The following PIEZO2 variants were observed in gnomAD, a reference collection of about 807,000 sequenced individuals.
PIEZO2 encodes the protein piezo-type mechanosensitive ion channel component 2.
In PIEZO2, 172 loss-of-function variants were observed where a neutral mutation model predicts 337.3. The observed-to-expected ratio is 0.51, with a 90% CI of 0.45 to 0.58. The LOEUF is 0.58. Among genes scored for constraint, PIEZO2 ranks in the 20% least tolerant of loss-of-function variants. The pLI is 0.00. For synonymous variants in PIEZO2, 1,251 were observed against 1,228.5 expected, an observed-to-expected ratio of 1.02 and a Z score of -0.38; for missense variants, 3,028 against 3,391.3, an observed-to-expected ratio of 0.89 and a Z score of 2.66.
At chr18:10,875,239 G>T (rs1046942624) in intron 4 of PIEZO2, among the ~76,000 whole-genome samples, 6 of 152,122 alleles carry the variant, frequency 3.9e-5, no homozygotes, top group Non-Finnish European at 7.4e-5. Context: ...TTTGGAGAAA[G>T]AGTAAGAAAA....
rs539811149 is a variant in PIEZO2, at chr18:10,781,236, C to T, written c.2493-870G>A. ...CTGTAATCCCAGCACTTTGGGAAGT[C>T]GAGGCAGGTGGATCATGAGGTCAAG... On this transcript the variant is annotated intron_variant, in intron 17 of 55. Coordinates refer to ENST00000674853, the MANE Select transcript of PIEZO2 (RefSeq NM_001378183.1). The surrounding 1 kb of genome is among the most constrained non-coding windows in gnomAD (Gnocchi z 4.1). Among the ~76,000 whole-genome samples the T allele has an allele frequency of 3.9e-5, 6 of 152,010 alleles. No individual in the cohort carries two copies. Among genetic ancestry groups the T allele is most frequent in the South Asian group, 2.1e-4 (1 of 4,816 alleles).
rs2040457856 is a variant in PIEZO2, at chr18:10,819,452, C to T, written c.918-12178G>A. On this transcript the variant is annotated intron_variant, in intron 7 of 55. Transcript: ENST00000674853. The surrounding 1 kb of genome is among the most constrained non-coding windows in gnomAD (Gnocchi z 4.3). ...GAATAATGCTGAAGATATAAGCATA[C>T]CAATGTATTCCAAAGACTCAGCTAT... is the stretch of plus-strand genomic sequence containing the variant. Among the ~76,000 whole-genome samples, 1 of 152,094 alleles carries T rather than the reference C, an allele frequency of 6.6e-6. No homozygotes were observed. The highest frequency in any genetic ancestry group is 2.4e-5 in the African/African-American group (1 of 41,414).
At chr18:10,926,516 C>T (rs1269713716) in intron 3 of PIEZO2, among the ~76,000 whole-genome samples, 1 of 152,148 alleles carries the variant, frequency 6.6e-6, no homozygotes, top group Non-Finnish European at 1.5e-5. Context: ...AATAAATCAA[C>T]TACAGAAAAA....
Position 10,762,602 on chromosome 18 carries a change from G to A in PIEZO2, c.3147C>T (p.Ile1049=). 1.3e-6 allele frequency: 2 copies of A among 1,537,264 alleles called. No individual in the cohort carries two copies. The highest frequency in any genetic ancestry group is 1.2e-5 in the South Asian group (1 of 83,980). The part of the protein sequence containing the change: ...CSLPNENQTN[I]PFNELNKSLL... The stretch of plus-strand genomic sequence containing the variant: ...GAGACTTGTTCAACTCATTAAAGGG[G>A]ATGTTTGTTTGATTTTCATTTGGCT... Residue 1049 remains isoleucine (I), a synonymous_variant, in exon 23 of 56, where the codon ATC becomes ATT. Coordinates refer to ENST00000674853, the MANE Select transcript of PIEZO2 (RefSeq NM_001378183.1).
rs1403849601 is a variant in PIEZO2 at position 10,782,417 on chromosome 18, A to AT, written c.2493-2052_2493-2051insA. 9.3e-5 allele frequency among the ~76,000 whole-genome samples: 6 copies of AT among 64,762 alleles called. No individual in the cohort carries two copies. The East Asian group carries it at 1.7e-3, about 19-fold the overall frequency. The allele number at this position is 64,762 out of a possible 152,430, so 42.5% of individuals were successfully genotyped here. ...TATAAATAATTATATAATATATTAT[A>AT]ATTATATATAAATAATTATATAATA... On this transcript the variant is annotated intron_variant, in intron 17 of 55. Coordinates refer to ENST00000674853, the MANE Select transcript of PIEZO2 (RefSeq NM_001378183.1).
At chr18:11,108,706 C>T (rs1376565245) in intron 1 of PIEZO2, among the ~76,000 whole-genome samples, 3 of 151,464 alleles carry the variant, frequency 2.0e-5, no homozygotes, top group Non-Finnish European at 4.4e-5. Flanking sequence ...GATTTTATTC[C>T]CACACCCACT....
At chr18:11,123,955 G>A (rs1430994546) in intron 1 of PIEZO2, among the ~76,000 whole-genome samples, 1 of 152,172 alleles carries the variant, frequency 6.6e-6, no homozygotes, top group Non-Finnish European at 1.5e-5. Flanking sequence ...GGAAAAGTAT[G>A]TGAGATAATG....
chr18:11,063,623 C>T (rs1386701676), intron 2 of PIEZO2, among the ~76,000 whole-genome samples: 2 of 152,114 alleles, frequency 1.3e-5, no homozygotes, highest in Non-Finnish European at 2.9e-5. Flanking sequence ...TGTATGAATC[C>T]CACTTCCAGT....
rs2037409840 is a variant in PIEZO2 at position 11,048,647 on chromosome 18, C to G, written c.160+17480G>C. Among the ~76,000 whole-genome samples, 1 of 152,192 alleles carries G rather than the reference C, an allele frequency of 6.6e-6. No homozygotes were observed. ...GAATTATTTATATTAGAAGCTTTCA[C>G]TCACTGAATCAATTTTTAAAAATGA... On this transcript the variant is annotated intron_variant, in intron 2 of 55. Coordinates refer to ENST00000674853, the MANE Select transcript of PIEZO2 (RefSeq NM_001378183.1). The surrounding 1 kb of genome is among the most constrained non-coding windows in gnomAD (Gnocchi z 4.5).
At chr18:10,812,699 C>T (rs908576399) in intron 7 of PIEZO2, among the ~76,000 whole-genome samples, 2 of 152,190 alleles carry the variant, frequency 1.3e-5, no homozygotes, top group Non-Finnish European at 2.9e-5. Context: ...CCACTCCTCA[C>T]GGAGCACTTA....
Position 10,724,774 on chromosome 18 carries a change from G to T in PIEZO2, c.5030-6515C>A, listed in dbSNP as rs1266613230. 20 of 1,570,592 alleles carry T rather than the reference G, an allele frequency of 1.3e-5. No homozygotes were observed. The highest frequency in any genetic ancestry group is 1.5e-5 in the Non-Finnish European group (17 of 1,156,844). On this transcript the variant is annotated intron_variant, in intron 36 of 55. Transcript: ENST00000674853. The surrounding 1 kb of genome is among the most constrained non-coding windows in gnomAD (Gnocchi z 5.8). ...CCTGGCCTTGCCCGTGGCTCTGGCA[G>T]TCCCCCCAGCACTGCAGCCCCAGCC...
intron 4 of PIEZO2, among the ~76,000 whole-genome samples, chr18:10,889,776 C>G (rs1344365719): frequency 6.6e-6 from 1 of 152,198 alleles, no homozygotes; most frequent in Non-Finnish European, 1.5e-5. Context: ...ATTCTCCTCC[C>G]TAAGAGCTGC....
chr18:10,865,833 C>A (rs1568143988), intron 5 of PIEZO2, among the ~76,000 whole-genome samples: 1 of 152,064 alleles, frequency 6.6e-6, no homozygotes, highest in African/African-American at 2.4e-5. Flanking sequence ...GACTCTGGTT[C>A]CTTTCATCTC....
At chr18:10,770,088 G>C in intron 21 of PIEZO2, 60 bp downstream of exon 21, 1 of 1,492,804 alleles carries the variant, frequency 6.7e-7, no homozygotes, top group African/African-American at 1.4e-5. Context: ...AGCTGGAAAA[G>C]GAAAATGATG....
intron 2 of PIEZO2, among the ~76,000 whole-genome samples, chr18:10,997,913 A>G (rs1465275804): frequency 2.0e-5 from 3 of 152,192 alleles, no homozygotes; most frequent in Non-Finnish European, 4.4e-5. Flanking sequence ...TACACATTCA[A>G]TAAGCTCAGC....
intron 1 of PIEZO2, among the ~76,000 whole-genome samples, chr18:11,134,228 C>T (rs959352898): frequency 1.3e-5 from 2 of 152,192 alleles, no homozygotes; most frequent in African/African-American, 4.8e-5. Flanking sequence ...CTTACTTTAA[C>T]TCCCTTGTTG....
In PIEZO2 at chr18:11,025,587, GCTCCTCTGTGTCTCAGGACGGATGT is replaced by G. The variant is rs558688378; in HGVS notation, c.160+40515_160+40539del. Among the ~76,000 whole-genome samples the G allele has an allele frequency of 6.2e-3, 945 of 152,252 alleles. 12 individuals carry two copies. Among genetic ancestry groups the G allele is most frequent in the African/African-American group, 0.022 (916 of 41,530 alleles). On this transcript the variant is annotated intron_variant, in intron 2 of 55. Coordinates refer to ENST00000674853, the MANE Select transcript of PIEZO2 (RefSeq NM_001378183.1). ...CTGGCAAGAGAACTCAGGAAACCCAGCTCCTCTGTGTCTCAGGACGGATGTGCTTTGTGCCTTTCTGGAATGAAAA... is the reference window on the plus strand; with the variant it reads ...CTGGCAAGAGAACTCAGGAAACCCAGGCTTTGTGCCTTTCTGGAATGAAAA...
Position 10,979,996 on chromosome 18 carries a change from T to C in PIEZO2, c.161-336A>G, listed in dbSNP as rs1323467261. ...CAACTTTGAAGGGACAGATAACTCC[T>C]GTCTTAGAAAAATAATTCTAGGAAG... On this transcript the variant is annotated intron_variant, in intron 2 of 55. Transcript: ENST00000674853. This position sits in a 1 kb window ranked among gnomAD's most constrained non-coding sequence, Gnocchi z 4.0. Among the ~76,000 whole-genome samples the C allele has an allele frequency of 6.6e-6, 1 of 152,186 alleles. No homozygotes were observed. Among genetic ancestry groups the C allele is most frequent in the East Asian group, 1.9e-4 (1 of 5,202 alleles).
At chr18:10,816,505 A>G (rs2040367470) in intron 7 of PIEZO2, among the ~76,000 whole-genome samples, 1 of 152,250 alleles carries the variant, frequency 6.6e-6, no homozygotes, top group Non-Finnish European at 1.5e-5. Flanking sequence ...AATTGAAATT[A>G]TCAATCAAAA....
Sources: allele counts gnomAD v4.1 joint callset (sites outside exome capture counted in the v4.1 genomes callset), GRCh38; gene constraint gnomAD v4.1.1; non-coding constraint Gnocchi (gnomAD v3.1); transcripts MANE v1.5; gene names NCBI Gene and HGNC (gene_info 2026-07-23, HGNC 2026-07-21).